The following MYO1D variants were observed in gnomAD, a reference collection of about 807,000 sequenced individuals.
The protein encoded by MYO1D is myosin ID.
MYO1D carries 83 observed loss-of-function variants against 122.0 expected under a neutral mutation model. That is an observed-to-expected ratio of 0.68 (90% CI 0.57 to 0.82). The LOEUF (loss-of-function observed/expected upper bound fraction) is 0.82. MYO1D is among the 40% of genes least tolerant of loss of function. MYO1D has a pLI of 0.00. For missense variants in MYO1D, 1,157 were observed against 1,269.5 expected, an observed-to-expected ratio of 0.91 and a Z score of 1.35; for synonymous variants, 464 against 446.9, an observed-to-expected ratio of 1.04 and a Z score of -0.48.
chr17:32,768,035 C>T (rs1005210252), intron 6 of MYO1D, among the ~76,000 whole-genome samples: 1 of 152,182 alleles, frequency 6.6e-6, no homozygotes, highest in African/African-American at 2.4e-5. Flanking sequence ...ACAAGCTGAT[C>T]CCCCACTCCA....
chr17:32,693,763 T>C (rs2089135782), intron 16 of MYO1D, among the ~76,000 whole-genome samples: 1 of 152,170 alleles, frequency 6.6e-6, no homozygotes, highest in Non-Finnish European at 1.5e-5. Context: ...TTATTGGCAG[T>C]GTCTGAGAGG....
chr17:32,772,940 G>A (rs1473548931), intron 4 of MYO1D, 98 bp from the exon 5 acceptor site: 10 of 901,106 alleles, frequency 1.1e-5, no homozygotes, highest in Non-Finnish European at 1.8e-5. Flanking sequence ...CTGAGCCCAA[G>A]CCTGCACGTA....
At chr17:32,653,548 G>A (rs2088427745) in intron 19 of MYO1D, among the ~76,000 whole-genome samples, 1 of 147,930 alleles carries the variant, frequency 6.8e-6, no homozygotes, top group African/African-American at 2.5e-5. Context: ...GGAGGTTGCA[G>A]TGAGCCGAGA....
chr17:32,547,570 T>C (rs1567885304), intron 21 of MYO1D, among the ~76,000 whole-genome samples: 1 of 152,246 alleles, frequency 6.6e-6, no homozygotes, highest in South Asian at 2.1e-4. Flanking sequence ...TTGTTCATAA[T>C]TGTCTTGTCC....
At chr17:32,736,722 T>C (rs2089705575) in intron 14 of MYO1D, among the ~76,000 whole-genome samples, 1 of 152,266 alleles carries the variant, frequency 6.6e-6, no homozygotes, top group Non-Finnish European at 1.5e-5. Context: ...ATTCTTTTTC[T>C]AGTTAATTGA....
At chr17:32,779,687 C>G (rs2090215719) in intron 2 of MYO1D, among the ~76,000 whole-genome samples, 1 of 151,924 alleles carries the variant, frequency 6.6e-6, no homozygotes, top group Non-Finnish European at 1.5e-5. Flanking sequence ...CCTTTAAAAC[C>G]CAGTAATACT....
chr17:32,650,209 AGTT>A (rs761432605), intron 19 of MYO1D, among the ~76,000 whole-genome samples: 8 of 152,236 alleles, frequency 5.3e-5, no homozygotes, highest in African/African-American at 1.2e-4. Context: ...TAGAATTCTA[AGTT>A]GTTGTTGTTT....
intron 16 of MYO1D, among the ~76,000 whole-genome samples, chr17:32,706,267 A>G (rs1460860279): frequency 6.6e-6 from 1 of 151,970 alleles, no homozygotes; most frequent in Non-Finnish European, 1.5e-5. Context: ...CTACCACAGC[A>G]GGTTAATTTT....
At chr17:32,835,713 T>C (rs114827101) in intron 1 of MYO1D, among the ~76,000 whole-genome samples, 1 of 152,314 alleles carries the variant, frequency 6.6e-6, no homozygotes, top group African/African-American at 2.4e-5. Flanking sequence ...GTCTTTCAGC[T>C]TTTGTCACAT....
chr17:32,777,169 C>T (rs973433517), intron 3 of MYO1D, among the ~76,000 whole-genome samples: 1 of 151,982 alleles, frequency 6.6e-6, no homozygotes, highest in African/African-American at 2.4e-5. Flanking sequence ...AAAATTTACA[C>T]ATATCCCTGT....
intron 21 of MYO1D, among the ~76,000 whole-genome samples, chr17:32,554,193 C>T (rs1200991736): frequency 6.6e-6 from 1 of 151,694 alleles, no homozygotes; most frequent in African/African-American, 2.4e-5. Context: ...GAGTCCCTGC[C>T]CCTGCCCCTG....
intron 1 of MYO1D, among the ~76,000 whole-genome samples, chr17:32,872,962 C>T (rs2091195242): frequency 6.6e-6 from 1 of 152,066 alleles, no homozygotes; most frequent in African/African-American, 2.4e-5. Context: ...TCCCAAAGTG[C>T]TGGGATTACA....
At position 32,530,273 on chromosome 17, in the gene MYO1D, A is replaced by T. The variant is rs185670662; in HGVS notation, c.2865-35358T>A. ...TATAAAATAGGCTTAATACATTTAAAAATGGCTTAGAAGATTTTGAGAATT... is the reference window on the plus strand; with the variant it reads ...TATAAAATAGGCTTAATACATTTAATAATGGCTTAGAAGATTTTGAGAATT... On this transcript the variant is annotated intron_variant, in intron 21 of 21. Transcript: ENST00000318217. 1.6e-3 allele frequency among the ~76,000 whole-genome samples: 239 copies of T among 152,320 alleles called. 1 individual carries two copies. The highest frequency in any genetic ancestry group is 2.8e-3 in the Non-Finnish European group (188 of 68,024).
intron 16 of MYO1D, among the ~76,000 whole-genome samples, chr17:32,689,191 G>A (rs1210440274): frequency 8.6e-5 from 13 of 151,998 alleles, no homozygotes; most frequent in African/African-American, 2.2e-4. Context: ...TCGATTTAAA[G>A]TACAATAAAC....
chr17:32,766,969 A>G (rs2090065711), intron 7 of MYO1D, among the ~76,000 whole-genome samples: 1 of 152,222 alleles, frequency 6.6e-6, no homozygotes, highest in South Asian at 2.1e-4. Context: ...GATCCTGCAC[A>G]TTTCTGATTC....
chr17:32,539,129 T>C (rs919223022), intron 21 of MYO1D, among the ~76,000 whole-genome samples: 7 of 151,922 alleles, frequency 4.6e-5, no homozygotes, highest in Non-Finnish European at 8.8e-5. Flanking sequence ...ATAAATAAAA[T>C]AGATGATGTT....
chr17:32,852,622 T>C (rs1429195701), intron 1 of MYO1D, among the ~76,000 whole-genome samples: 1 of 152,170 alleles, frequency 6.6e-6, no homozygotes, highest in African/African-American at 2.4e-5. Context: ...TAGAATGTCG[T>C]CTCAACTATG....
At chr17:32,760,719 C>T in intron 8 of MYO1D, 92 bp from the exon 9 acceptor site, 1 of 1,343,734 alleles carries the variant, frequency 7.4e-7, no homozygotes, top group Admixed American at 2.1e-5. Flanking sequence ...TGTCCACCTT[C>T]TCACTGTTTA....
At chr17:32,521,049 C>G (rs928209262) in intron 21 of MYO1D, among the ~76,000 whole-genome samples, 1 of 152,154 alleles carries the variant, frequency 6.6e-6, no homozygotes, top group African/African-American at 2.4e-5. Flanking sequence ...ATTGGCTTAC[C>G]CAAAAGATCA....
Sources: allele counts gnomAD v4.1 joint callset (sites outside exome capture counted in the v4.1 genomes callset), GRCh38; gene constraint gnomAD v4.1.1; transcripts MANE v1.5; gene names NCBI Gene and HGNC (gene_info 2026-07-23, HGNC 2026-07-21).